MLXIP: variants seen among roughly 807,000 people sequenced by gnomAD.
The protein encoded by MLXIP is MLX interacting protein, also known as MLX-interacting protein.
MLXIP carries 30 observed loss-of-function variants against 87.2 expected under a neutral mutation model. That is an observed-to-expected ratio of 0.34 (90% CI 0.26 to 0.47). The LOEUF (loss-of-function observed/expected upper bound fraction) is 0.47, where lower values mean the gene tolerates loss of function less well. MLXIP is among the 20% of genes least tolerant of loss of function. The pLI is 1.00. For missense variants in MLXIP, 1,002 were observed against 1,240.1 expected (o/e 0.81, Z 2.88); for synonymous variants, 530 against 514.0 (o/e 1.03, Z -0.42).
At chr12:122,128,050 G>C (rs951120492) in intron 3 of MLXIP, 82 bp downstream of exon 3, 5 of 1,243,950 alleles carry the variant, frequency 4.0e-6, no homozygotes, top group Non-Finnish European at 5.8e-6. Context: ...GGCTGGTCCT[G>C]TAGGAGAGGC....
At chr12:122,094,314 GGTGTGTT>G (rs1372632570) in intron 1 of MLXIP, among the ~76,000 whole-genome samples, 4 of 138,290 alleles carry the variant, frequency 2.9e-5, no homozygotes, top group African/African-American at 1.1e-4. Flanking sequence ...TGTGGTGTGT[GGTGTGTT>G]GGTGTGTGTG....
intron 1 of MLXIP, among the ~76,000 whole-genome samples, chr12:122,099,712 A>G (rs1378105267): frequency 1.3e-5 from 2 of 152,226 alleles, no homozygotes; most frequent in African/African-American, 4.8e-5. Context: ...CTTAGGTTGC[A>G]TTGTCCTACC....
In MLXIP at chr12:122,127,980, T is replaced by A. The variant is rs747583699; in HGVS notation, c.606+12T>A. On this transcript the variant is annotated intron_variant, in intron 3 of 16. Coordinates refer to ENST00000319080, the MANE Select transcript of MLXIP (RefSeq NM_014938.6). Reference sequence around the variant, plus strand: ...ACCGCCGGCCGGAGGTACTTGGCAGTGACCAAGGGTGGCTGAGAGTGGAAA... The same window carrying A: ...ACCGCCGGCCGGAGGTACTTGGCAGAGACCAAGGGTGGCTGAGAGTGGAAA... 3 of 1,610,898 alleles carry A rather than the reference T, an allele frequency of 1.9e-6. No homozygotes were observed. The highest frequency in any genetic ancestry group is 2.5e-6 in the Non-Finnish European group (3 of 1,177,950).
At chr12:122,095,815 A>T (rs1051066227) in intron 1 of MLXIP, among the ~76,000 whole-genome samples, 1 of 151,354 alleles carries the variant, frequency 6.6e-6, no homozygotes, top group African/African-American at 2.4e-5. Context: ...CTTATTTTTT[A>T]TTTTTATTTT....
intron 1 of MLXIP, among the ~76,000 whole-genome samples, chr12:122,104,875 C>T (rs146177561): frequency 3.3e-5 from 5 of 152,266 alleles, no homozygotes; most frequent in Non-Finnish European, 5.9e-5. Context: ...CCACCACACC[C>T]GGCCAGCCTT....
chr12:122,128,754 G>T, intron 3 of MLXIP: 1 of 183,752 alleles, frequency 5.4e-6, no homozygotes, highest in East Asian at 1.5e-4. Context: ...GGAATTGGCT[G>T]TTCATTTTTG....
chr12:122,124,193 CG>C (rs1952833609), intron 1 of MLXIP, among the ~76,000 whole-genome samples: 1 of 105,424 alleles, frequency 9.5e-6, no homozygotes, highest in East Asian at 3.0e-4. Context: ...AGCCGTCCCC[CG>C]CCCTCAGCTG....
intron 1 of MLXIP, among the ~76,000 whole-genome samples, chr12:122,116,002 G>C (rs990731986): frequency 1.3e-5 from 2 of 151,868 alleles, no homozygotes; most frequent in Non-Finnish European, 2.9e-5. Context: ...AGTGAGCCAA[G>C]ATCATGCTGC....
intron 7 of MLXIP, among the ~76,000 whole-genome samples, chr12:122,131,391 C>A (rs1335888699): frequency 7.9e-5 from 12 of 151,660 alleles, no homozygotes; most frequent in Admixed American, 7.2e-4. Context: ...TCCATGGCAT[C>A]CCCCTGGGCC....
chr12:122,104,625 G>C (rs1952492463), intron 1 of MLXIP, among the ~76,000 whole-genome samples: 1 of 142,216 alleles, frequency 7.0e-6, no homozygotes, highest in Non-Finnish European at 1.5e-5. Flanking sequence ...TCTCGCCCAG[G>C]CTGGAGTGCA....
chr12:122,133,666 C>T lies in MLXIP; in HGVS notation c.1411C>T (p.Pro471Ser), dbSNP rs577929671. 32 of 1,613,618 alleles carry T rather than the reference C, an allele frequency of 2.0e-5. No individual in the cohort carries two copies. In the East Asian group the frequency reaches 5.6e-4, roughly 28 times the overall value. The change falls in exon 9 of 17, where the codon CCA (proline) becomes TCA (serine). Residue 471 changes from proline (P) to serine (S), a missense_variant. Physicochemically the swap from Pro to Ser is moderately conservative, Grantham distance 74 (BLOSUM62 -1). Coordinates refer to ENST00000319080, the MANE Select transcript of MLXIP (RefSeq NM_014938.6). This position sits in a 1 kb window ranked among gnomAD's most constrained non-coding sequence, Gnocchi z 4.9. The part of the protein sequence containing the change: ...NPPAPPTFHQ[P>S]QKFAGVNKAP... ...CCCGGCTCCACCCACCTTCCATCAGCCACAGAAGTTTGCTGGAGTCAACAA... is the reference window on the plus strand; with the variant it reads ...CCCGGCTCCACCCACCTTCCATCAGTCACAGAAGTTTGCTGGAGTCAACAA...
chr12:122,131,186 A>G (rs539669771), intron 7 of MLXIP, among the ~76,000 whole-genome samples: 1 of 152,242 alleles, frequency 6.6e-6, no homozygotes, highest in East Asian at 1.9e-4. Flanking sequence ...GAAGCAGCAG[A>G]GGGCACTGAT....
chr12:122,147,179 C>G lies in MLXIP; in HGVS notation c.*5367C>G, dbSNP rs546136083. On this transcript the variant is annotated 3_prime_UTR_variant, in exon 17 of 17. Coordinates refer to ENST00000319080, the MANE Select transcript of MLXIP (RefSeq NM_014938.6). ...TCTGAAGAACAAACCAGAGAAGAGT[C>G]TGGTTTGGCCAGAGGCCCCCTCCGG... is the stretch of plus-strand genomic sequence containing the variant. 1.3e-5 allele frequency: 2 copies of G among 152,286 alleles called. No individual in the cohort carries two copies. The highest frequency in any genetic ancestry group is 3.9e-4 in the East Asian group (2 of 5,174). 9.4% of individuals were successfully genotyped at this position (152,286 alleles called of 1,614,324 possible).
rs1953283327 is a variant in MLXIP, at chr12:122,145,390, G to A, written c.*3578G>A. 1 of 152,306 alleles carries A rather than the reference G, an allele frequency of 6.6e-6. No homozygotes were observed. Among genetic ancestry groups the A allele is most frequent in the African/African-American group, 2.4e-5 (1 of 41,468 alleles). The allele number at this position is 152,306 out of a possible 1,614,324, so 9.4% of individuals were successfully genotyped here. A position where few individuals can be genotyped will look rare whatever the true frequency, so the allele number is the denominator to read the frequency against. ...CCTAAGGTTTCTCTGCTCTGGCTAA[G>A]AGGATGTAAATTTGGATTCTTAGAG... On this transcript the variant is annotated 3_prime_UTR_variant, in exon 17 of 17. Transcript: ENST00000319080.
intron 1 of MLXIP, among the ~76,000 whole-genome samples, chr12:122,083,712 C>T (rs1280247387): frequency 1.3e-5 from 2 of 152,208 alleles, no homozygotes; most frequent in African/African-American, 4.8e-5. Flanking sequence ...CCGGGCCCGG[C>T]TAACCCTTCA....
At chr12:122,124,471 T>C (rs1470459036) in intron 1 of MLXIP, among the ~76,000 whole-genome samples, 2 of 134,128 alleles carry the variant, frequency 1.5e-5, no homozygotes, top group Non-Finnish European at 3.2e-5. Context: ...CTCTTCACAG[T>C]GCAGAGCAGA....
At chr12:122,099,412 A>G (rs1214516537) in intron 1 of MLXIP, among the ~76,000 whole-genome samples, 2 of 152,096 alleles carry the variant, frequency 1.3e-5, no homozygotes, top group Non-Finnish European at 2.9e-5. Flanking sequence ...GCCTCTTGGT[A>G]ATGCCCTGGG....
intron 8 of MLXIP, 23 bp downstream of exon 8, chr12:122,132,406 T>C: frequency 6.3e-7 from 1 of 1,580,870 alleles, no homozygotes. Context: ...GGGGGATGGG[T>C]GGGGGAAGGG....
rs910004341 is a variant in MLXIP at position 122,142,502 on chromosome 12, C to T, written c.*690C>T. 4 of 358,668 alleles carry T rather than the reference C, an allele frequency of 1.1e-5. No individual in the cohort carries two copies. Among genetic ancestry groups the T allele is most frequent in the South Asian group, 8.5e-5 (4 of 47,322 alleles). 22.2% of individuals were successfully genotyped at this position (358,668 alleles called of 1,614,324 possible). ...CACGGTGGCTGCTCTGGCTGAGAGG[C>T]CCTGCTGGGCATGTTTCATCTGTCC... is the stretch of plus-strand genomic sequence containing the variant. On this transcript the variant is annotated 3_prime_UTR_variant, in exon 17 of 17. Transcript: ENST00000319080.
Sources: allele counts gnomAD v4.1 joint callset (sites outside exome capture counted in the v4.1 genomes callset), GRCh38; gene constraint gnomAD v4.1.1; non-coding constraint Gnocchi (gnomAD v3.1); transcripts MANE v1.5; gene names NCBI Gene and HGNC (gene_info 2026-07-23, HGNC 2026-07-21).